TRIM37: variants seen among roughly 807,000 people sequenced by gnomAD.
TRIM37 encodes E3 ubiquitin-protein ligase TRIM37.
TRIM37 carries 80 observed loss-of-function variants against 129.8 expected under a neutral mutation model. The ratio of observed to expected loss-of-function variants is 0.62; its 90% CI spans 0.51 to 0.74. TRIM37 has a LOEUF of 0.74. Among genes scored for constraint, TRIM37 ranks in the 30% least tolerant of loss-of-function variants. TRIM37 has a pLI of 0.00. For synonymous variants in TRIM37, 389 were observed against 387.1 expected, an observed-to-expected ratio of 1.00 and a Z score of -0.06; for missense variants, 1,054 against 1,176.5, an observed-to-expected ratio of 0.90 and a Z score of 1.52.
intron 22 of TRIM37, among the ~76,000 whole-genome samples, chr17:59,006,029 T>C (rs544199775): frequency 7.9e-5 from 12 of 152,316 alleles, no homozygotes; most frequent in Non-Finnish European, 1.2e-4. Flanking sequence ...AATGTTTCTG[T>C]GTTGTTAAAA....
downstream of TRIM37, among the ~76,000 whole-genome samples, chr17:58,993,737 C>T (rs2032687513): frequency 6.6e-6 from 1 of 151,904 alleles, no homozygotes; most frequent in South Asian, 2.1e-4. Flanking sequence ...TTGTTGAAAC[C>T]CACAGAACTG....
At chr17:59,028,833 G>T in intron 18 of TRIM37, 110 bp from the exon 19 acceptor site, 1 of 1,124,222 alleles carries the variant, frequency 8.9e-7, no homozygotes, top group Non-Finnish European at 1.3e-6. Flanking sequence ...CGTGCTTTAC[G>T]TGGTATCAAC....
chr17:59,074,223 G>GAC (rs375052909), intron 8 of TRIM37, among the ~76,000 whole-genome samples: 2 of 152,266 alleles, frequency 1.3e-5, no homozygotes, highest in African/African-American at 4.8e-5. Flanking sequence ...AATCTTGTGG[G>GAC]ACCACTGTCA....
chr17:59,008,967 C>G (rs1178620639), intron 22 of TRIM37, among the ~76,000 whole-genome samples: 1 of 152,168 alleles, frequency 6.6e-6, no homozygotes, highest in African/African-American at 2.4e-5. Context: ...TCTGGTCTGT[C>G]TCCCTTCTGG....
chr17:58,969,797 AG>A, the TRIM37 span: 1 of 1,405,846 alleles, frequency 7.1e-7, no homozygotes. Context: ...GTGTGGTTAA[AG>A]GGCTATTTAG....
At position 59,037,557 on chromosome 17, in the gene TRIM37, CA is replaced by C. The variant is rs58856834; in HGVS notation, c.1753+4255del. 1.9e-3 allele frequency among the ~76,000 whole-genome samples: 144 copies of C among 73,994 alleles called. 1 individual carries two copies. The highest frequency in any genetic ancestry group is 5.3e-3 in the East Asian group (11 of 2,058). 48.5% of individuals were successfully genotyped at this position (73,994 alleles called of 152,430 possible). On this transcript the variant is annotated intron_variant, in intron 17 of 23. Transcript: ENST00000262294. ...CGGGCAACAGAGCAAGACTCTGTCT[CA>C]AAAAAAAAAAAAAAAAAAAAAAAAA...
intron 17 of TRIM37, among the ~76,000 whole-genome samples, chr17:59,039,969 C>T (rs908744911): frequency 1.3e-5 from 2 of 152,140 alleles, no homozygotes; most frequent in Non-Finnish European, 2.9e-5. Context: ...GCTATCTCAG[C>T]TTACTGCAGG....
chr17:59,022,215 A>G (rs985263706), intron 19 of TRIM37, among the ~76,000 whole-genome samples: 2 of 152,234 alleles, frequency 1.3e-5, no homozygotes, highest in Admixed American at 6.5e-5. Context: ...AAGGATCCTA[A>G]GTAAAATATT....
chr17:59,100,188 G>A (rs34678056), intron 2 of TRIM37, among the ~76,000 whole-genome samples: 36,745 of 151,864 alleles, frequency 0.24, 4,749 homozygotes, highest in African/African-American at 0.33. Flanking sequence ...AAGTATTTTA[G>A]AAAATAGCTT....
At chr17:59,071,047 A>G (rs887052954) in intron 8 of TRIM37, 100 bp from the exon 9 acceptor site, 6 of 1,337,692 alleles carry the variant, frequency 4.5e-6, no homozygotes, top group Non-Finnish European at 6.2e-6. Context: ...TAAACTGAAA[A>G]AAATGATAAA....
chr17:58,977,356 T>C, the TRIM37 span, among the ~76,000 whole-genome samples: 1 of 151,372 alleles, frequency 6.6e-6, no homozygotes, highest in Non-Finnish European at 1.5e-5. Flanking sequence ...GGCAGGAGAA[T>C]TGCTTGAATC....
In TRIM37 at chr17:59,028,674, C is replaced by T; in HGVS notation, c.1998G>A (p.Trp666Ter). ...DKDQRKQQAM[W>*]RVPSDLKMLK... is the part of the protein sequence containing the mutation. Reference sequence around the variant, plus strand: ...GCATCTTTAAATCAGAGGGCACTCGCCACATTGCCTGTTGCTTCCTTTGGT... The same window carrying T: ...GCATCTTTAAATCAGAGGGCACTCGTCACATTGCCTGTTGCTTCCTTTGGT... Residue 666 changes from tryptophan to a stop codon, truncating the protein, a stop_gained, in exon 19 of 24, where the codon TGG becomes TGA. Transcript: ENST00000262294. LOFTEE classifies it high-confidence loss of function. 1 of 1,614,202 alleles carries T rather than the reference C, an allele frequency of 6.2e-7. No individual in the cohort carries two copies. Among genetic ancestry groups the T allele is most frequent in the South Asian group, 1.1e-5 (1 of 91,080 alleles).
chr17:59,079,863 T>A lies in TRIM37; in HGVS notation c.507A>T (p.Glu169Asp). 1.9e-6 allele frequency: 3 copies of A among 1,614,020 alleles called. No homozygotes were observed. Among genetic ancestry groups the A allele is most frequent in the Non-Finnish European group, 2.5e-6 (3 of 1,179,928 alleles). ...GCTCATCTTTTGCATTTCTTACAGC[T>A]TCTACATTCCTTTCCTAGAAGATAA... is the stretch of plus-strand genomic sequence containing the variant. ...SLVQEVERNV[E>D]AVRNAKDERV... is the part of the protein sequence containing the mutation. The change falls in exon 7 of 24, where the codon GAA (glutamate) becomes GAT (aspartate). Residue 169 changes from glutamate (E) to aspartate (D), a missense_variant. Around this residue, in one of 3 missense-constraint regions of TRIM37, gnomAD observed 752 missense variants for 870.8 expected, o/e 0.86. Transcript: ENST00000262294.
intron 3 of TRIM37, 63 bp downstream of exon 3, chr17:59,091,236 TC>T: frequency 7.7e-7 from 1 of 1,303,222 alleles, no homozygotes; most frequent in Non-Finnish European, 1.1e-6. Flanking sequence ...CCTTTATGAA[TC>T]CCAAGGCACA....
chr17:59,027,340 A>T (rs1254851733), intron 19 of TRIM37, among the ~76,000 whole-genome samples: 2 of 152,174 alleles, frequency 1.3e-5, no homozygotes, highest in Admixed American at 1.3e-4. Flanking sequence ...CATAATTCTT[A>T]GTTTCTTTCT....
intron 2 of TRIM37, among the ~76,000 whole-genome samples, chr17:59,094,305 CATA>C (rs1403222513): frequency 6.6e-6 from 1 of 152,120 alleles, no homozygotes; most frequent in African/African-American, 2.4e-5. Context: ...AATATTAATG[CATA>C]ATATTAAACA....
chr17:59,011,700 C>T (rs980550075), intron 22 of TRIM37, among the ~76,000 whole-genome samples: 4 of 152,130 alleles, frequency 2.6e-5, no homozygotes, highest in Non-Finnish European at 5.9e-5. Context: ...CTTGGAAGAA[C>T]ATGCAAAAGA....
At chr17:59,035,479 C>T (rs560837370) in intron 17 of TRIM37, among the ~76,000 whole-genome samples, 3 of 151,908 alleles carry the variant, frequency 2.0e-5, no homozygotes, top group African/African-American at 4.8e-5. Context: ...TACAGCCAGG[C>T]GCGGTGGTTC....
chr17:58,979,788 G>A (rs943069704), downstream of TRIM37, among the ~76,000 whole-genome samples: 2 of 152,184 alleles, frequency 1.3e-5, no homozygotes, highest in African/African-American at 4.8e-5. Flanking sequence ...TGGGAGTAAG[G>A]AGTAAGCAGA....
Sources: allele counts gnomAD v4.1 joint callset (sites outside exome capture counted in the v4.1 genomes callset), GRCh38; gene constraint gnomAD v4.1.1; regional missense constraint gnomAD v4.1.1; transcripts MANE v1.5; gene names NCBI Gene and HGNC (gene_info 2026-07-23, HGNC 2026-07-21).